UGCG: variants seen among roughly 807,000 people sequenced by gnomAD.
UGCG encodes the protein ceramide glucosyltransferase.
A neutral mutation model predicts 49.5 loss-of-function variants in UGCG; 10 were observed. The observed-to-expected ratio is 0.20, with a 90% CI of 0.12 to 0.34. The LOEUF is 0.34. UGCG is among the 10% of genes least tolerant of loss of function. The pLI is 1.00. For synonymous variants in UGCG, 182 were observed against 158.2 expected (o/e 1.15, Z -1.13); for missense variants, 312 against 483.7 (o/e 0.65, Z 3.33).
At chr9:111,931,228 T>G in intron 6 of UGCG, 43 bp from the exon 7 acceptor site, 1 of 1,576,974 alleles carries the variant, frequency 6.3e-7, no homozygotes, top group Non-Finnish European at 8.7e-7. Context: ...CGCTTGCATG[T>G]GTTCATCATC....
chr9:111,922,102 C>T (rs1321982128), intron 2 of UGCG, among the ~76,000 whole-genome samples: 4 of 150,934 alleles, frequency 2.7e-5, no homozygotes, highest in East Asian at 2.0e-4. Context: ...CATGAGCCAC[C>T]GTGCCCAGCC....
chr9:111,926,861 C>A (rs1284182011), intron 5 of UGCG, among the ~76,000 whole-genome samples: 3 of 56,874 alleles, frequency 5.3e-5, no homozygotes, highest in Non-Finnish European at 1.1e-4. Context: ...TCCCCCCAGC[C>A]TTTTTTTTTT....
At chr9:111,924,021 C>T (rs945047983) in intron 3 of UGCG, among the ~76,000 whole-genome samples, 1 of 152,134 alleles carries the variant, frequency 6.6e-6, no homozygotes, top group Admixed American at 6.5e-5. Flanking sequence ...GTCCTGACCT[C>T]AGGTGATCCA....
intron 1 of UGCG, among the ~76,000 whole-genome samples, chr9:111,911,927 T>TTCAACATGAG (rs1276927792): frequency 4.0e-5 from 1 of 24,806 alleles, no homozygotes; most frequent in African/African-American, 1.9e-4. Flanking sequence ...TATATATATA[T>TTCAACATGAG]ATATATATAT....
intron 2 of UGCG, among the ~76,000 whole-genome samples, chr9:111,916,511 C>G (rs1838113652): frequency 6.6e-6 from 1 of 152,110 alleles, no homozygotes; most frequent in African/African-American, 2.4e-5. Flanking sequence ...GCTTTGTCAC[C>G]TAGGCTGGAG....
chr9:111,931,687 A>G (rs1317002626), intron 7 of UGCG, among the ~76,000 whole-genome samples: 1 of 152,166 alleles, frequency 6.6e-6, no homozygotes. Flanking sequence ...ATTTAAAGAC[A>G]TTTTTCTTTG....
rs1472806190 is a variant in UGCG, at chr9:111,932,036, A to AG, written c.825-134_825-133insG. ...CCCCGTCTCAAGTAAAAAAAAAAAAACAAAACAAAAAAAGTTTAAAGAGAA... is the reference window on the plus strand; with the variant it reads ...CCCCGTCTCAAGTAAAAAAAAAAAAAGCAAAACAAAAAAAGTTTAAAGAGAA... On this transcript the variant is annotated intron_variant, in intron 7 of 8. Transcript: ENST00000374279. 5.4e-6 allele frequency: 5 copies of AG among 918,954 alleles called. No individual in the cohort carries two copies. In the African/African-American group the frequency reaches 7.1e-5, roughly 13 times the overall value. 56.9% of individuals were successfully genotyped at this position (918,954 alleles called of 1,614,324 possible).
intron 1 of UGCG, among the ~76,000 whole-genome samples, chr9:111,908,566 A>G (rs1837935445): frequency 6.6e-6 from 1 of 152,212 alleles, no homozygotes; most frequent in Non-Finnish European, 1.5e-5. Flanking sequence ...TATGTACATT[A>G]TGTATCAATA....
chr9:111,911,925 TATATATATATA>T (rs1489311285), intron 1 of UGCG, among the ~76,000 whole-genome samples: 680 of 24,672 alleles, frequency 0.028, 22 homozygotes, highest in Admixed American at 0.051. Context: ...TATATATATA[TATATATATATA>T]TATATATATA....
At chr9:111,899,658 GTT>G (rs1837731757) in intron 1 of UGCG, among the ~76,000 whole-genome samples, 1 of 151,918 alleles carries the variant, frequency 6.6e-6, no homozygotes, top group African/African-American at 2.4e-5. Flanking sequence ...TTCTAACTCT[GTT>G]ATAATTTTTA....
At chr9:111,926,861 CTTTTTTTTTTTTTTTT>C (rs56298523) in intron 5 of UGCG, among the ~76,000 whole-genome samples, 2 of 56,874 alleles carry the variant, frequency 3.5e-5, no homozygotes, top group East Asian at 4.4e-4. Context: ...TCCCCCCAGC[CTTTTTTTTTTTTTTTT>C]TTTTTTTTTT....
chr9:111,933,114 G>A lies in UGCG; in HGVS notation c.*117G>A. On this transcript the variant is annotated 3_prime_UTR_variant, in exon 9 of 9. Transcript: ENST00000374279. ...TTATCACATGTATGTTTTGGTATCT[G>A]TTCTTTAATTTATTTTTGCATGGCA... 1.0e-6 allele frequency: 1 copy of A among 962,186 alleles called. No individual in the cohort carries two copies. Among genetic ancestry groups the A allele is most frequent in the Non-Finnish European group, 1.3e-6 (1 of 751,180 alleles). 59.6% of individuals were successfully genotyped at this position (962,186 alleles called of 1,614,324 possible).
At chr9:111,907,595 CTGT>C (rs1473994789) in intron 1 of UGCG, among the ~76,000 whole-genome samples, 3 of 150,758 alleles carry the variant, frequency 2.0e-5, no homozygotes, top group Non-Finnish European at 4.4e-5. Context: ...TTTTTCTGGA[CTGT>C]TGACTCCAGC....
In UGCG at chr9:111,932,417, A is replaced by G. The variant is rs887288858; in HGVS notation, c.1014+58A>G. 4.0e-6 allele frequency: 6 copies of G among 1,499,328 alleles called. No homozygotes were observed. The African/African-American group carries it at 4.2e-5, about 10-fold the overall frequency. The allele number at this position is 1,499,328 out of a possible 1,614,324, so 92.9% of individuals were successfully genotyped here. ...CCTTGGTGGAACTAGAACTATTTCA[A>G]TTTAGAAAAAGTTGAAGGAAATGTA... On this transcript the variant is annotated intron_variant, in intron 8 of 8. Transcript: ENST00000374279.
chr9:111,904,453 T>A (rs1000903331), intron 1 of UGCG, among the ~76,000 whole-genome samples: 1 of 152,380 alleles, frequency 6.6e-6, no homozygotes, highest in African/African-American at 2.4e-5. Flanking sequence ...TGACCTTAGC[T>A]CCTACTTCAT....
At chr9:111,914,537 C>T in intron 1 of UGCG, 68 bp from the exon 2 acceptor site, 2 of 1,455,062 alleles carry the variant, frequency 1.4e-6, no homozygotes, top group East Asian at 2.3e-5. Flanking sequence ...TTATTGATAG[C>T]TTGTCAGTGC....
chr9:111,911,199 T>C (rs1322587871), intron 1 of UGCG, among the ~76,000 whole-genome samples: 1 of 152,144 alleles, frequency 6.6e-6, no homozygotes, highest in East Asian at 1.9e-4. Flanking sequence ...GTCATTCTTA[T>C]CTCAGGCTTC....
intron 1 of UGCG, among the ~76,000 whole-genome samples, chr9:111,913,504 G>A (rs536885587): frequency 1.1e-4 from 16 of 151,990 alleles, no homozygotes; most frequent in Non-Finnish European, 1.9e-4. Context: ...CACAATCTTG[G>A]CTCACTGCAA....
chr9:111,919,568 G>A (rs1167146236), intron 2 of UGCG, among the ~76,000 whole-genome samples: 3 of 152,058 alleles, frequency 2.0e-5, no homozygotes, highest in African/African-American at 4.8e-5. Flanking sequence ...GAGGCAGGCA[G>A]ATCACGAGGT....
Sources: allele counts gnomAD v4.1 joint callset (sites outside exome capture counted in the v4.1 genomes callset), GRCh38; gene constraint gnomAD v4.1.1; transcripts MANE v1.5; gene names NCBI Gene and HGNC (gene_info 2026-07-23, HGNC 2026-07-21).